SLC10A7: variants seen among roughly 807,000 people sequenced by gnomAD.
SLC10A7 encodes solute carrier family 10 member 7, also known as sodium/bile acid cotransporter 7.
Under a neutral mutation model 43.2 loss-of-function variants are expected in SLC10A7, and 29 were observed. The observed-to-expected ratio is 0.67, with a 90% CI of 0.50 to 0.92. SLC10A7 has a LOEUF of 0.92. Ranked by LOEUF, SLC10A7 falls within the 40% of genes least tolerant of loss-of-function variation. The pLI is 0.00. For missense variants in SLC10A7, 295 were observed against 403.2 expected (o/e 0.73, Z 2.30); for synonymous variants, 152 against 144.8 (o/e 1.05, Z -0.35).
chr4:146,346,014 G>C (rs1175534120), intron 5 of SLC10A7, among the ~76,000 whole-genome samples: 1 of 152,014 alleles, frequency 6.6e-6, no homozygotes, highest in Non-Finnish European at 1.5e-5. Flanking sequence ...TAATTTTTGA[G>C]GTCAGGATTT....
At chr4:146,428,997 C>A (rs17021500) in intron 5 of SLC10A7, among the ~76,000 whole-genome samples, 146 of 151,938 alleles carry the variant, frequency 9.6e-4, no homozygotes, top group African/African-American at 3.3e-3. Context: ...GGATAATCTG[C>A]CCTAATCTAC....
chr4:146,441,587 C>T (rs1004597632), intron 5 of SLC10A7: 10 of 726,600 alleles, frequency 1.4e-5, no homozygotes, highest in Admixed American at 6.3e-5. Context: ...ATTGTGACAA[C>T]GTATAGAATA....
At chr4:146,464,960 T>TAC (rs1732880204) in intron 4 of SLC10A7, among the ~76,000 whole-genome samples, 3 of 152,256 alleles carry the variant, frequency 2.0e-5, no homozygotes, top group African/African-American at 7.2e-5. Flanking sequence ...GTTCCAGATG[T>TAC]AAAGCTCAGA....
At chr4:146,422,067 T>C (rs998551786) in intron 5 of SLC10A7, among the ~76,000 whole-genome samples, 2 of 152,184 alleles carry the variant, frequency 1.3e-5, no homozygotes, top group African/African-American at 4.8e-5. Context: ...TCAGCTGACT[T>C]CAATGATATA....
chr4:146,434,302 C>A (rs1321768715), intron 5 of SLC10A7, among the ~76,000 whole-genome samples: 2 of 134,384 alleles, frequency 1.5e-5, no homozygotes, highest in African/African-American at 5.6e-5. Context: ...ATTAAAATTA[C>A]AGCAGCTTTT....
intron 5 of SLC10A7, among the ~76,000 whole-genome samples, chr4:146,349,726 G>C (rs1280305632): frequency 6.6e-6 from 1 of 152,080 alleles, no homozygotes; most frequent in East Asian, 1.9e-4. Flanking sequence ...GATGCAGCTG[G>C]AGGCCATTAT....
intron 2 of SLC10A7, among the ~76,000 whole-genome samples, chr4:146,512,314 T>C (rs7661927): frequency 0.34 from 51,835 of 151,962 alleles, 9,035 homozygotes; most frequent in South Asian, 0.47. Context: ...GCATAACTTT[T>C]CTGAAAATTA....
chr4:146,461,561 A>G (rs7439429), intron 4 of SLC10A7, among the ~76,000 whole-genome samples: 122,974 of 151,906 alleles, frequency 0.81, 50,343 homozygotes, highest in South Asian at 0.91. Flanking sequence ...TTTCTAAAAT[A>G]ATCCCCAGGA....
chr4:146,413,604 T>C (rs11944863), intron 5 of SLC10A7, among the ~76,000 whole-genome samples: 20,267 of 152,206 alleles, frequency 0.13, 1,431 homozygotes, highest in South Asian at 0.18. Flanking sequence ...ATAACTAACC[T>C]ATAACAGAAA....
intron 5 of SLC10A7, among the ~76,000 whole-genome samples, chr4:146,332,867 C>A (rs1733630515): frequency 6.6e-6 from 1 of 152,152 alleles, no homozygotes; most frequent in South Asian, 2.1e-4. Context: ...CTAAGGTGTG[C>A]TGATGATATT....
intron 5 of SLC10A7, among the ~76,000 whole-genome samples, chr4:146,346,970 G>A (rs367992637): frequency 6.6e-4 from 100 of 152,162 alleles, no homozygotes; most frequent in African/African-American, 2.2e-3. Flanking sequence ...AAGATCTTAC[G>A]GTCTAGTTGC....
chr4:146,510,133 G>A (rs958186854), intron 2 of SLC10A7, 84 bp from the exon 3 acceptor site: 2 of 1,327,830 alleles, frequency 1.5e-6, no homozygotes, highest in Non-Finnish European at 1.0e-6. Context: ...CATCACATGA[G>A]TTAGTTCTTA....
intron 5 of SLC10A7, among the ~76,000 whole-genome samples, chr4:146,334,706 G>C (rs1352324524): frequency 6.6e-6 from 1 of 152,054 alleles, no homozygotes; most frequent in Non-Finnish European, 1.5e-5. Context: ...ACAGCTAGAG[G>C]GTTTAACTTG....
rs773149440 is a variant in SLC10A7 at position 146,521,726 on chromosome 4, G to A, written c.-9C>T. 6.2e-7 allele frequency: 1 copy of A among 1,609,698 alleles called. No homozygotes were observed. Among genetic ancestry groups the A allele is most frequent in the South Asian group, 1.1e-5 (1 of 90,948 alleles). On this transcript the variant is annotated 5_prime_UTR_variant, in exon 1 of 12. Transcript: ENST00000335472. Reference sequence around the variant, plus strand: ...CTCTCCAGCAGCCTCATATTTGTTAGGGTGGGTGGGTTTTGTTTATTTGTT... The same window carrying A: ...CTCTCCAGCAGCCTCATATTTGTTAAGGTGGGTGGGTTTTGTTTATTTGTT...
At chr4:146,256,921 T>A (rs1396923641) in intron 11 of SLC10A7, 1 of 1,535,994 alleles carries the variant, frequency 6.5e-7, no homozygotes, top group Non-Finnish European at 8.7e-7. Flanking sequence ...AGTGGCCCCC[T>A]GGTTTGGAGT....
At chr4:146,445,314 C>G (rs956388703) in intron 4 of SLC10A7, among the ~76,000 whole-genome samples, 10 of 152,172 alleles carry the variant, frequency 6.6e-5, no homozygotes, top group African/African-American at 2.4e-4. Context: ...GGCTCATTTA[C>G]TTGGCCGCCG....
intron 5 of SLC10A7, among the ~76,000 whole-genome samples, chr4:146,390,166 C>A (rs1375561368): frequency 6.6e-6 from 1 of 152,138 alleles, no homozygotes; most frequent in Non-Finnish European, 1.5e-5. Flanking sequence ...AGACAACGAG[C>A]TCTTTAGTTG....
intron 4 of SLC10A7, among the ~76,000 whole-genome samples, chr4:146,467,562 CTTTT>C (rs397995707): frequency 1.1e-5 from 1 of 92,832 alleles, no homozygotes; most frequent in Non-Finnish European, 2.0e-5. Context: ...TTCTTTCTCT[CTTTT>C]TTTTTTTTTT....
chr4:146,506,559 A>G (rs906874018), intron 3 of SLC10A7, among the ~76,000 whole-genome samples: 1 of 152,080 alleles, frequency 6.6e-6, no homozygotes, highest in Non-Finnish European at 1.5e-5. Context: ...TGCCCCCTCT[A>G]CTAGTAATAG....
Sources: gnomAD v4.1 joint callset for allele counts (sites outside exome capture counted in the v4.1 genomes callset) on GRCh38, gnomAD v4.1.1 for gene constraint, MANE v1.5 for transcripts, NCBI Gene and HGNC (gene_info 2026-07-23, HGNC 2026-07-21) for gene names.